LARS2: variants seen among roughly 807,000 people sequenced by gnomAD.
LARS2 encodes the protein leucyl-tRNA synthetase 2, mitochondrial.
A neutral mutation model predicts 116.6 loss-of-function variants in LARS2; 81 were observed. The observed-to-expected ratio is 0.69, with a 90% CI of 0.58 to 0.84. The LOEUF is 0.84. Among genes scored for constraint, LARS2 ranks in the 40% least tolerant of loss-of-function variants. LARS2 has a pLI of 0.00. For missense variants in LARS2, 968 were observed against 1,114.5 expected (o/e 0.87, Z 1.87); for synonymous variants, 396 against 407.2 (o/e 0.97, Z 0.33).
chr3:45,392,902 A>G (rs1053804829), intron 2 of LARS2, among the ~76,000 whole-genome samples: 1 of 152,184 alleles, frequency 6.6e-6, no homozygotes, highest in African/African-American at 2.4e-5. Flanking sequence ...GGTTTTGAAA[A>G]GATCTGTTGT....
chr3:45,492,050 C>T (rs141177091), intron 13 of LARS2, among the ~76,000 whole-genome samples: 1 of 152,354 alleles, frequency 6.6e-6, no homozygotes, highest in East Asian at 1.9e-4. Context: ...AGATCTATCC[C>T]AGAAACATCT....
chr3:45,525,329 A>C (rs1226675194), intron 20 of LARS2, among the ~76,000 whole-genome samples: 2 of 152,224 alleles, frequency 1.3e-5, no homozygotes, highest in African/African-American at 2.4e-5. Flanking sequence ...GCCACTTTAA[A>C]ATTAAACTTG....
chr3:45,412,579 C>G lies in LARS2; in HGVS notation c.364-4903C>G, dbSNP rs180680007. Among the ~76,000 whole-genome samples the G allele has an allele frequency of 5.8e-4, 89 of 152,252 alleles. 1 individual carries two copies. The highest frequency in any genetic ancestry group is 2.0e-3 in the African/African-American group (85 of 41,540). ...CGTTTGTAATTTGAAAAAACATCAACTTATGTAAAAAGAAAAGCAGCCTAT... is the reference window on the plus strand; with the variant it reads ...CGTTTGTAATTTGAAAAAACATCAAGTTATGTAAAAAGAAAAGCAGCCTAT... On this transcript the variant is annotated intron_variant, in intron 4 of 21. Transcript: ENST00000645846.
intron 20 of LARS2, chr3:45,538,321 CCAAGGTCCTTT>C (rs2125769380): frequency 6.6e-6 from 1 of 152,262 alleles, no homozygotes; most frequent in South Asian, 2.1e-4. Flanking sequence ...ACATTTGTGT[CCAAGGTCCTTT>C]CATCTCCCAG....
intron 6 of LARS2, among the ~76,000 whole-genome samples, chr3:45,436,635 A>G (rs1330946876): frequency 6.6e-6 from 1 of 151,736 alleles, no homozygotes; most frequent in Non-Finnish European, 1.5e-5. Flanking sequence ...TCTACTAAAA[A>G]TACAAAAAAT....
rs533036259 is a variant in LARS2, at chr3:45,430,641, G to A, written c.516+10912G>A. ...GCCCTGTGGCCCAGGCTGGAGTGCC[G>A]TGGCGCGATCTCAGCTCACTGCGAG... On this transcript the variant is annotated intron_variant, in intron 6 of 21. Coordinates refer to ENST00000645846, the MANE Select transcript of LARS2 (RefSeq NM_015340.4). Among the ~76,000 whole-genome samples the A allele has an allele frequency of 2.8e-3, 386 of 136,918 alleles. 6 individuals carry two copies. Among genetic ancestry groups the A allele is most frequent in the African/African-American group, 0.01 (362 of 35,688 alleles). The allele number at this position is 136,918 out of a possible 152,430, so 89.8% of individuals were successfully genotyped here.
intron 10 of LARS2, 87 bp downstream of exon 10, chr3:45,476,714 A>G (rs1173051300): frequency 2.0e-5 from 27 of 1,374,602 alleles, no homozygotes; most frequent in East Asian, 6.9e-5. Flanking sequence ...CCTTTCCTCT[A>G]TGTCATCTTG....
Position 45,476,583 on chromosome 3 carries a change from G to T in LARS2, c.974G>T (p.Ser325Ile), listed in dbSNP as rs553930492. ...SPSHRLLHGH[S>I]SLKEALRMAL... ...AGCCACAGACTCCTACATGGGCACAGCTCTCTGAAGGAAGCCTTGAGGATG... is the reference window on the plus strand; with the variant it reads ...AGCCACAGACTCCTACATGGGCACATCTCTCTGAAGGAAGCCTTGAGGATG... The change falls in exon 10 of 22, where the codon AGC (serine) becomes ATC (isoleucine). Residue 325 changes from serine (S) to isoleucine (I), a missense_variant. Coordinates refer to ENST00000645846, the MANE Select transcript of LARS2 (RefSeq NM_015340.4). 6.2e-7 allele frequency: 1 copy of T among 1,614,170 alleles called. No homozygotes were observed. Among genetic ancestry groups the T allele is most frequent in the Admixed American group, 1.7e-5 (1 of 60,012 alleles).
intron 21 of LARS2, among the ~76,000 whole-genome samples, chr3:45,545,798 A>G (rs527384640): frequency 6.6e-6 from 1 of 151,946 alleles, no homozygotes; most frequent in Non-Finnish European, 1.5e-5. Context: ...AGGTTTAGAA[A>G]TGGGTCATTG....
At chr3:45,398,307 G>T (rs934080738) in intron 3 of LARS2, among the ~76,000 whole-genome samples, 1 of 152,142 alleles carries the variant, frequency 6.6e-6, no homozygotes, top group Non-Finnish European at 1.5e-5. Context: ...CTGATTTCTG[G>T]TTTCTTCTGC....
At chr3:45,460,397 G>A (rs1699296523) in intron 8 of LARS2, among the ~76,000 whole-genome samples, 1 of 152,228 alleles carries the variant, frequency 6.6e-6, no homozygotes, top group South Asian at 2.1e-4. Flanking sequence ...GGACCTGTCA[G>A]ATGATTCTGT....
At chr3:45,507,767 C>T (rs572064327) in intron 15 of LARS2, among the ~76,000 whole-genome samples, 5 of 152,140 alleles carry the variant, frequency 3.3e-5, no homozygotes, top group African/African-American at 1.2e-4. Context: ...TTGAAAAACT[C>T]ATGCCAACAT....
At chr3:45,428,242 T>TG (rs1270755839) in intron 6 of LARS2, among the ~76,000 whole-genome samples, 2 of 136,786 alleles carry the variant, frequency 1.5e-5, no homozygotes, top group Non-Finnish European at 3.2e-5. Context: ...TTAACCTGTT[T>TG]TTTTTTTTTT....
At chr3:45,534,232 A>T (rs368930938) in intron 20 of LARS2, among the ~76,000 whole-genome samples, 30 of 152,184 alleles carry the variant, frequency 2.0e-4, no homozygotes, top group African/African-American at 7.0e-4. Flanking sequence ...GCAAGTGAGG[A>T]GTCGTATGTA....
intron 20 of LARS2, among the ~76,000 whole-genome samples, chr3:45,529,378 A>C (rs1700580742): frequency 6.6e-6 from 1 of 151,882 alleles, no homozygotes; most frequent in African/African-American, 2.4e-5. Flanking sequence ...ACCAGCCGTC[A>C]GGCTCTACTA....
At position 45,476,593 on chromosome 3, in the gene LARS2, G is replaced by A. The variant is rs1010657917; in HGVS notation, c.984G>A (p.Lys328=). 1.9e-6 allele frequency: 3 copies of A among 1,614,184 alleles called. No individual in the cohort carries two copies. Among genetic ancestry groups the A allele is most frequent in the South Asian group, 2.2e-5 (2 of 91,086 alleles). The change falls in exon 10 of 22, where the codon AAG becomes AAA. Residue 328 remains lysine, a synonymous_variant. Coordinates refer to ENST00000645846, the MANE Select transcript of LARS2 (RefSeq NM_015340.4). Reference sequence around the variant, plus strand: ...TCCTACATGGGCACAGCTCTCTGAAGGAAGCCTTGAGGATGGCCCTTGTCC... The same window carrying A: ...TCCTACATGGGCACAGCTCTCTGAAAGAAGCCTTGAGGATGGCCCTTGTCC... ...HRLLHGHSSL[K]EALRMALVPG... is the part of the protein sequence containing the mutation.
chr3:45,461,135 G>A (rs1214931090), intron 8 of LARS2, among the ~76,000 whole-genome samples: 1 of 152,118 alleles, frequency 6.6e-6, no homozygotes, highest in Admixed American at 6.5e-5. Context: ...TATATAAATG[G>A]TCTGGGACTT....
At chr3:45,471,064 AAAAAG>A (rs1360939240) in intron 8 of LARS2, among the ~76,000 whole-genome samples, 21 of 148,828 alleles carry the variant, frequency 1.4e-4, no homozygotes, top group East Asian at 1.4e-3. Flanking sequence ...AAAAAAAAAA[AAAAAG>A]AAGGATATAA....
chr3:45,423,408 G>A (rs1354565110), intron 6 of LARS2, among the ~76,000 whole-genome samples: 4 of 152,066 alleles, frequency 2.6e-5, no homozygotes, highest in African/African-American at 9.7e-5. Context: ...TGCCTCCCAG[G>A]TTCAAGCGAT....
Sources: gnomAD v4.1 joint callset for allele counts (sites outside exome capture counted in the v4.1 genomes callset) on GRCh38, gnomAD v4.1.1 for gene constraint, MANE v1.5 for transcripts, NCBI Gene and HGNC (gene_info 2026-07-23, HGNC 2026-07-21) for gene names.